PNPLA8: variants seen among roughly 807,000 people sequenced by gnomAD.
The protein encoded by PNPLA8 is calcium-independent phospholipase A2-gamma.
In PNPLA8, 39 loss-of-function variants were observed where a neutral mutation model predicts 76.9. The ratio of observed to expected loss-of-function variants is 0.51; its 90% CI spans 0.39 to 0.66. PNPLA8 has a LOEUF of 0.66. PNPLA8 is among the 30% of genes least tolerant of loss of function. The probability of loss-of-function intolerance (pLI) is 0.00; values close to 1 mark genes in which losing one functional copy is unlikely to be tolerated. For missense variants in PNPLA8, 887 were observed against 918.0 expected (o/e 0.97, Z 0.44); for synonymous variants, 301 against 307.9 (o/e 0.98, Z 0.24).
At chr7:108,516,331 T>C (rs1388090153) in intron 2 of PNPLA8, among the ~76,000 whole-genome samples, 1 of 152,214 alleles carries the variant, frequency 6.6e-6, no homozygotes, top group Non-Finnish European at 1.5e-5. Flanking sequence ...AGTTAATTGA[T>C]CTTTGACAAA....
intron 1 of PNPLA8, among the ~76,000 whole-genome samples, chr7:108,525,376 T>C (rs1197033064): frequency 1.3e-5 from 2 of 152,244 alleles, no homozygotes; most frequent in East Asian, 3.8e-4. Context: ...GATAGTCCCT[T>C]ATGTCACAAC....
At chr7:108,505,315 T>C (rs1598932065) in intron 4 of PNPLA8, among the ~76,000 whole-genome samples, 1 of 3,314 alleles carries the variant, frequency 3.0e-4, no homozygotes, top group Admixed American at 5.7e-3. Flanking sequence ...TATATATATA[T>C]ATATATATAT....
At position 108,511,283 on chromosome 7, in the gene PNPLA8, G is replaced by T. The variant is rs115923782; in HGVS notation, c.1206+2861C>A. ...TCTGGAAATGATTAGGTTAATGGTT[G>T]ATGAGATAATGCTTCTAGCACAATT... On this transcript the variant is annotated intron_variant, in intron 4 of 10. Transcript: ENST00000257694. Among the ~76,000 whole-genome samples the T allele has an allele frequency of 9.2e-4, 140 of 152,280 alleles. 1 individual carries two copies. The highest frequency in any genetic ancestry group is 3.1e-3 in the African/African-American group (128 of 41,558).
Position 108,474,710 on chromosome 7 carries a change from T to C in PNPLA8, c.2075-2035A>G, listed in dbSNP as rs111344614. Among the ~76,000 whole-genome samples the C allele has an allele frequency of 2.9e-3, 445 of 152,304 alleles. 1 individual carries two copies. The highest frequency in any genetic ancestry group is 4.1e-3 in the Non-Finnish European group (276 of 68,026). On this transcript the variant is annotated intron_variant, in intron 10 of 10. Transcript: ENST00000257694. ...ACTGTCCTTTCCCACTGAGTTACCT[T>C]AGCATCTTTGTAAAAAGTCTTTTGA...
At position 108,496,723 on chromosome 7, in the gene PNPLA8, G is replaced by A; in HGVS notation, c.1486C>T (p.His496Tyr). 1.1e-5 allele frequency: 17 copies of A among 1,610,888 alleles called. No homozygotes were observed. Among genetic ancestry groups the A allele is most frequent in the Non-Finnish European group, 1.4e-5 (17 of 1,178,746 alleles). Residue 496 changes from histidine to tyrosine, a missense_variant, in exon 7 of 11, where the codon CAT becomes TAT. Physicochemically the swap from His to Tyr is moderately conservative, Grantham distance 83. Coordinates refer to ENST00000257694, the MANE Select transcript of PNPLA8 (RefSeq NM_001256007.3). Reference sequence around the variant, plus strand: ...TCCTCACATTCATCCAAGGGCATATGAAACAACCCCAACATGAAAGCTAAT... The same window carrying A: ...TCCTCACATTCATCCAAGGGCATATAAAACAACCCCAACATGAAAGCTAAT... ...AILAFMLGLF[H>Y]MPLDECEELY...
In PNPLA8 at chr7:108,470,475, G is replaced by C. The variant is rs1355858510; in HGVS notation, c.*1926C>G. ...AGAAATAAGCCAAGCACAAATAAGG[G>C]ACATACTTAACTTCAGCTGTAAAAC... is the stretch of plus-strand genomic sequence containing the variant. On this transcript the variant is annotated 3_prime_UTR_variant, in exon 11 of 11. Coordinates refer to ENST00000257694, the MANE Select transcript of PNPLA8 (RefSeq NM_001256007.3). The C allele has an allele frequency of 6.6e-6, 1 of 151,720 alleles. No individual in the cohort carries two copies. 9.4% of individuals were successfully genotyped at this position (151,720 alleles called of 1,614,324 possible). A position where few individuals can be genotyped will look rare whatever the true frequency, so the allele number is the denominator to read the frequency against.
At chr7:108,483,066 T>G (rs570470158) in intron 9 of PNPLA8, among the ~76,000 whole-genome samples, 1 of 152,376 alleles carries the variant, frequency 6.6e-6, no homozygotes, top group African/African-American at 2.4e-5. Context: ...CAGATTATGA[T>G]AACTCTTCAT....
intron 4 of PNPLA8, among the ~76,000 whole-genome samples, chr7:108,511,594 A>G (rs1862937451): frequency 6.6e-6 from 1 of 152,210 alleles, no homozygotes; most frequent in South Asian, 2.1e-4. Flanking sequence ...TAACCAGCCT[A>G]ATGTCTTCAA....
chr7:108,501,661 T>C (rs142945095), intron 5 of PNPLA8, among the ~76,000 whole-genome samples: 2 of 152,030 alleles, frequency 1.3e-5, no homozygotes, highest in African/African-American at 2.4e-5. Context: ...CGTCTCTACT[T>C]ACAACACAAA....
intron 5 of PNPLA8, among the ~76,000 whole-genome samples, chr7:108,501,328 G>A (rs1035560728): frequency 5.3e-5 from 8 of 152,216 alleles, no homozygotes; most frequent in African/African-American, 1.9e-4. Flanking sequence ...TAGGAAGCAT[G>A]GATGGATTGC....
At chr7:108,490,599 T>C (rs933231243) in intron 8 of PNPLA8, among the ~76,000 whole-genome samples, 3 of 151,932 alleles carry the variant, frequency 2.0e-5, no homozygotes, top group Admixed American at 6.6e-5. Flanking sequence ...CTGGCTAACA[T>C]GGTGAAACCC....
At chr7:108,480,082 A>C (rs570747586) in intron 9 of PNPLA8, among the ~76,000 whole-genome samples, 3 of 152,156 alleles carry the variant, frequency 2.0e-5, no homozygotes, top group Non-Finnish European at 4.4e-5. Context: ...ATCTAGAAAA[A>C]TACACTGAGC....
intron 5 of PNPLA8, among the ~76,000 whole-genome samples, chr7:108,497,900 A>T (rs1361430612): frequency 6.6e-6 from 1 of 151,532 alleles, no homozygotes; most frequent in East Asian, 1.9e-4. Flanking sequence ...GCAGTGGCTC[A>T]TTCTTGTAAT....
chr7:108,512,012 C>T lies in PNPLA8; in HGVS notation c.1206+2132G>A, dbSNP rs553126503. Among the ~76,000 whole-genome samples the T allele has an allele frequency of 4.6e-5, 7 of 152,244 alleles. No homozygotes were observed. In the South Asian group the frequency reaches 1.4e-3, roughly 32 times the overall value. On this transcript the variant is annotated intron_variant, in intron 4 of 10. Coordinates refer to ENST00000257694, the MANE Select transcript of PNPLA8 (RefSeq NM_001256007.3). ...ATAAACAGATTGTGAGTAGAAGAAACCCGTGGCAACTTCTGCTGAAATATT... is the reference window on the plus strand; with the variant it reads ...ATAAACAGATTGTGAGTAGAAGAAATCCGTGGCAACTTCTGCTGAAATATT...
intron 10 of PNPLA8, among the ~76,000 whole-genome samples, chr7:108,475,665 T>G (rs943913929): frequency 1.3e-5 from 2 of 152,188 alleles, no homozygotes; most frequent in African/African-American, 4.8e-5. Context: ...CTTGGCCTCC[T>G]TGAACTGCAA....
intron 7 of PNPLA8, among the ~76,000 whole-genome samples, chr7:108,496,075 A>C (rs1861525545): frequency 6.6e-6 from 1 of 152,008 alleles, no homozygotes; most frequent in Non-Finnish European, 1.5e-5. Context: ...CTCTACTAAA[A>C]ACAGAAAAAA....
chr7:108,503,383 C>T (rs40849), intron 4 of PNPLA8, among the ~76,000 whole-genome samples: 96,867 of 151,992 alleles, frequency 0.64, 31,270 homozygotes, highest in African/African-American at 0.74. Context: ...GTAAATCAAA[C>T]AATTTTCCTA....
intron 4 of PNPLA8, chr7:108,510,400 T>G: frequency 4.6e-6 from 7 of 1,537,758 alleles, no homozygotes; most frequent in Non-Finnish European, 6.2e-6. Flanking sequence ...CAAAGCACTA[T>G]CACAGGGAAT....
chr7:108,526,668 C>T (rs552775123), upstream of PNPLA8, among the ~76,000 whole-genome samples: 12 of 152,338 alleles, frequency 7.9e-5, no homozygotes, highest in Middle Eastern at 6.8e-3. Flanking sequence ...GGCATGGCCA[C>T]CCAGACTAAA....
Sources: gnomAD v4.1 joint callset for allele counts (sites outside exome capture counted in the v4.1 genomes callset) on GRCh38, gnomAD v4.1.1 for gene constraint, MANE v1.5 for transcripts, NCBI Gene and HGNC (gene_info 2026-07-23, HGNC 2026-07-21) for gene names.